PDE8A: variants seen among roughly 807,000 people sequenced by gnomAD.
PDE8A encodes high affinity cAMP-specific and IBMX-insensitive 3',5'-cyclic phosphodiesterase 8A.
Under a neutral mutation model 105.0 loss-of-function variants are expected in PDE8A, and 59 were observed. The ratio of observed to expected loss-of-function variants is 0.56; its 90% CI spans 0.46 to 0.70. PDE8A has a LOEUF of 0.70. PDE8A is among the 30% of genes least tolerant of loss of function. PDE8A has a pLI of 0.00. For missense variants in PDE8A, 1,014 were observed against 1,045.9 expected, an observed-to-expected ratio of 0.97 and a Z score of 0.42; for synonymous variants, 355 against 371.9, an observed-to-expected ratio of 0.95 and a Z score of 0.52.
chr15:85,070,793 T>C lies in PDE8A; in HGVS notation c.434+3589T>C, dbSNP rs1039081058. 2.0e-5 allele frequency among the ~76,000 whole-genome samples: 3 copies of C among 152,150 alleles called. No individual in the cohort carries two copies. The South Asian group carries it at 6.2e-4, about 31-fold the overall frequency. On this transcript the variant is annotated intron_variant, in intron 3 of 21. Transcript: ENST00000394553. Reference sequence around the variant, plus strand: ...ACCCCGTAGGTAGTTGAAACACTGATAGATTCTGCGCAGGAAAGTGTTGAG... The same window carrying C: ...ACCCCGTAGGTAGTTGAAACACTGACAGATTCTGCGCAGGAAAGTGTTGAG...
chr15:85,003,050 A>G (rs974409797), intron 1 of PDE8A, among the ~76,000 whole-genome samples: 2 of 151,568 alleles, frequency 1.3e-5, no homozygotes, highest in Non-Finnish European at 2.9e-5. Flanking sequence ...TTTTCAGTCA[A>G]GTTTCCTGAT....
At chr15:85,135,029 T>C (rs1040924551) in intron 20 of PDE8A, among the ~76,000 whole-genome samples, 2 of 152,158 alleles carry the variant, frequency 1.3e-5, no homozygotes, top group African/African-American at 2.4e-5. Flanking sequence ...ACGAGAGAAC[T>C]TTCTGACCTG....
intron 1 of PDE8A, among the ~76,000 whole-genome samples, chr15:84,998,815 G>C (rs2080020057): frequency 6.6e-6 from 1 of 152,166 alleles, no homozygotes; most frequent in South Asian, 2.1e-4. Flanking sequence ...CTTTCCTTGG[G>C]ATGAAGAAGT....
chr15:85,086,717 G>A (rs906082872), intron 6 of PDE8A, among the ~76,000 whole-genome samples: 1 of 152,046 alleles, frequency 6.6e-6, no homozygotes, highest in African/African-American at 2.4e-5. Context: ...TATTGGAGGT[G>A]AGAACTTCTT....
intron 1 of PDE8A, among the ~76,000 whole-genome samples, chr15:84,989,198 G>A (rs1205326325): frequency 6.6e-6 from 1 of 152,224 alleles, no homozygotes; most frequent in Non-Finnish European, 1.5e-5. Flanking sequence ...TATATTGCAT[G>A]TCTTAGCTAC....
At position 85,117,692 on chromosome 15, in the gene PDE8A, A is replaced by T. The variant is rs1393848063; in HGVS notation, c.1587A>T (p.Glu529Asp). The T allele has an allele frequency of 6.2e-7, 1 of 1,614,030 alleles. No homozygotes were observed. Among genetic ancestry groups the T allele is most frequent in the African/African-American group, 1.3e-5 (1 of 74,922 alleles). Residue 529 changes from glutamate (E) to aspartate (D), a missense_variant, in exon 17 of 22, where the codon GAA becomes GAT. Physicochemically the swap from Glu to Asp is conservative, Grantham distance 45. Transcript: ENST00000394553. ...TGTTTGCTCGCTTTGGAATCTGTGA[A>T]TTCTTACACTGCTCCGAGTCAACGC... ...LKMFARFGIC[E>D]FLHCSESTLR... is the part of the protein sequence containing the mutation.
chr15:85,020,756 C>T (rs1192373320), intron 1 of PDE8A, among the ~76,000 whole-genome samples: 2 of 152,100 alleles, frequency 1.3e-5, no homozygotes, highest in Admixed American at 6.5e-5. Context: ...TATTTATTGC[C>T]TGTATGTATC....
chr15:85,034,914 G>T (rs1412719896), intron 1 of PDE8A, among the ~76,000 whole-genome samples: 1 of 152,100 alleles, frequency 6.6e-6, no homozygotes, highest in Non-Finnish European at 1.5e-5. Flanking sequence ...ATAAATAAAG[G>T]TTGATAGATA....
chr15:84,995,753 C>T (rs1275562294), intron 1 of PDE8A, among the ~76,000 whole-genome samples: 2 of 152,068 alleles, frequency 1.3e-5, no homozygotes, highest in Non-Finnish European at 2.9e-5. Context: ...TTAAATTGCC[C>T]TCCAGGAAAA....
chr15:85,113,448 G>A lies in PDE8A; in HGVS notation c.1185+1G>A. 6.2e-7 allele frequency: 1 copy of A among 1,613,272 alleles called. No individual in the cohort carries two copies. The highest frequency in any genetic ancestry group is 8.5e-7 in the Non-Finnish European group (1 of 1,179,232). On this transcript the variant is annotated splice_donor_variant, in intron 13 of 21. Transcript: ENST00000394553. LOFTEE classifies it high-confidence loss of function. Reference sequence around the variant, plus strand: ...GACAATTGAGGCGCCCATCACCAAGGTGAAGCAGTTTGTGGTCTGTCTCCA... The same window carrying A: ...GACAATTGAGGCGCCCATCACCAAGATGAAGCAGTTTGTGGTCTGTCTCCA...
At chr15:85,087,725 TAAAG>T (rs376031071) in intron 6 of PDE8A, among the ~76,000 whole-genome samples, 6 of 152,264 alleles carry the variant, frequency 3.9e-5, no homozygotes, top group African/African-American at 1.4e-4. Flanking sequence ...AAAGTGATGA[TAAAG>T]AATGAAAATT....
At chr15:85,022,656 C>T (rs1268242519) in intron 1 of PDE8A, among the ~76,000 whole-genome samples, 1 of 151,454 alleles carries the variant, frequency 6.6e-6, no homozygotes, top group Admixed American at 6.6e-5. Context: ...TGAAGCAATT[C>T]TCCTGCCCCA....
At chr15:85,095,990 C>T (rs1446659829) in intron 8 of PDE8A, among the ~76,000 whole-genome samples, 6 of 151,940 alleles carry the variant, frequency 3.9e-5, no homozygotes, top group Non-Finnish European at 4.4e-5. Flanking sequence ...ATTCTCCTGC[C>T]TCAGCCTCCC....
Position 85,003,412 on chromosome 15 carries a change from C to T in PDE8A, c.186+21064C>T, listed in dbSNP as rs532590385. Among the ~76,000 whole-genome samples the T allele has an allele frequency of 5.9e-5, 9 of 152,300 alleles. No individual in the cohort carries two copies. The East Asian group carries it at 1.4e-3, about 23-fold the overall frequency. On this transcript the variant is annotated intron_variant, in intron 1 of 21. Transcript: ENST00000394553. Reference sequence around the variant, plus strand: ...CAAGATGGGCCTGGCTTGGAAACACCTGCCCACCCCAGCAGCCAGTGGACG... The same window carrying T: ...CAAGATGGGCCTGGCTTGGAAACACTTGCCCACCCCAGCAGCCAGTGGACG...
intron 8 of PDE8A, among the ~76,000 whole-genome samples, chr15:85,092,876 G>A (rs734495): frequency 0.5 from 75,836 of 151,306 alleles, 19,619 homozygotes; most frequent in African/African-American, 0.65. Context: ...TTGTGAGCAA[G>A]GAATAGGAAA....
At chr15:85,002,425 C>G (rs1034347482) in intron 1 of PDE8A, among the ~76,000 whole-genome samples, 2 of 152,320 alleles carry the variant, frequency 1.3e-5, no homozygotes, top group African/African-American at 2.4e-5. Flanking sequence ...GTCCCAAGCA[C>G]AGGAGCTTCA....
At chr15:85,028,328 C>T (rs2080553015) in intron 1 of PDE8A, among the ~76,000 whole-genome samples, 1 of 152,126 alleles carries the variant, frequency 6.6e-6, no homozygotes, top group African/African-American at 2.4e-5. Flanking sequence ...GATCCTCCCT[C>T]CTAAGCCTCA....
intron 1 of PDE8A, among the ~76,000 whole-genome samples, chr15:84,983,621 G>A (rs2079755761): frequency 6.6e-6 from 1 of 152,178 alleles, no homozygotes; most frequent in Non-Finnish European, 1.5e-5. Flanking sequence ...TGATGGTTTA[G>A]GCTTACTAAC....
intron 1 of PDE8A, among the ~76,000 whole-genome samples, chr15:84,987,589 A>T (rs1020426218): frequency 6.7e-6 from 1 of 149,166 alleles, no homozygotes; most frequent in African/African-American, 2.5e-5. Context: ...CGCATGCCTT[A>T]GCCTCCCGAG....
Sources: allele counts gnomAD v4.1 joint callset (sites outside exome capture counted in the v4.1 genomes callset), GRCh38; gene constraint gnomAD v4.1.1; transcripts MANE v1.5; gene names NCBI Gene and HGNC (gene_info 2026-07-23, HGNC 2026-07-21).